Variants in SLC14A2 observed in about 807,000 individuals in gnomAD.
SLC14A2 encodes urea transporter 2.
A neutral mutation model predicts 104.6 loss-of-function variants in SLC14A2; 91 were observed. The ratio of observed to expected loss-of-function variants is 0.87; its 90% CI spans 0.73 to 1.04. The LOEUF is 1.04. SLC14A2 is among the 50% of genes least tolerant of loss of function. The pLI, the probability that SLC14A2 is intolerant of heterozygous loss-of-function variation, is 0.00. For synonymous variants in SLC14A2, 476 were observed against 466.4 expected, an observed-to-expected ratio of 1.02 and a Z score of -0.27; for missense variants, 1,189 against 1,156.0, an observed-to-expected ratio of 1.03 and a Z score of -0.41.
At position 45,291,975 on chromosome 18, in the gene SLC14A2, A is replaced by C. The variant is rs539305956; in HGVS notation, c.-125+78784A>C. ...TGTGGTGTTTTTAAATCCTTTCTAA[A>C]TGGCTAAGAAGGCAATTCTTTTCAG... On this transcript the variant is annotated intron_variant, in intron 1 of 20. Transcript: ENST00000586448. 5.3e-5 allele frequency among the ~76,000 whole-genome samples: 8 copies of C among 152,216 alleles called. No homozygotes were observed. The East Asian group carries it at 1.5e-3, about 29-fold the overall frequency.
At chr18:45,666,831 A>C in intron 12 of SLC14A2, 104 bp from the exon 13 acceptor site, 1 of 956,204 alleles carries the variant, frequency 1.0e-6, no homozygotes, top group Non-Finnish European at 1.6e-6. Flanking sequence ...TTAATGAAAT[A>C]CCAAATGACA....
At chr18:45,347,627 T>C (rs893099856) in intron 1 of SLC14A2, among the ~76,000 whole-genome samples, 1 of 152,226 alleles carries the variant, frequency 6.6e-6, no homozygotes, top group Non-Finnish European at 1.5e-5. Flanking sequence ...CATCTGGTTA[T>C]AATAACTACA....
At chr18:45,516,110 A>G (rs2043436857) in intron 2 of SLC14A2, among the ~76,000 whole-genome samples, 1 of 152,226 alleles carries the variant, frequency 6.6e-6, no homozygotes, top group Non-Finnish European at 1.5e-5. Context: ...TGCTATACCA[A>G]GCATAAGGCT....
At chr18:45,526,178 G>C (rs971885755) in intron 2 of SLC14A2, among the ~76,000 whole-genome samples, 1 of 152,146 alleles carries the variant, frequency 6.6e-6, no homozygotes, top group Non-Finnish European at 1.5e-5. Context: ...GCGTATCTTA[G>C]CTTGCACAAC....
intron 2 of SLC14A2, among the ~76,000 whole-genome samples, chr18:45,504,602 G>A (rs144237899): frequency 6.6e-6 from 1 of 152,300 alleles, no homozygotes; most frequent in African/African-American, 2.4e-5. Flanking sequence ...TATCTGGTCA[G>A]TAATAGTGAC....
chr18:45,572,711 G>A (rs374865063), intron 2 of SLC14A2, among the ~76,000 whole-genome samples: 1 of 152,126 alleles, frequency 6.6e-6, no homozygotes, highest in Non-Finnish European at 1.5e-5. Context: ...TATTGTCATC[G>A]TATATACCAC....
rs183068028 is a variant in SLC14A2, at chr18:45,322,372, T to C, written c.-125+109181T>C. 7.2e-5 allele frequency among the ~76,000 whole-genome samples: 11 copies of C among 152,280 alleles called. No individual in the cohort carries two copies. The East Asian group carries it at 2.1e-3, about 29-fold the overall frequency. ...CTTATTTTCAAATAAGGAATAATAGTGAACACTAATTGAAGGCTTAAAAAA... is the reference window on the plus strand; with the variant it reads ...CTTATTTTCAAATAAGGAATAATAGCGAACACTAATTGAAGGCTTAAAAAA... On this transcript the variant is annotated intron_variant, in intron 1 of 20. Coordinates refer to the SLC14A2 transcript ENST00000586448.
chr18:45,414,757 A>AAAAAT (rs1360051908), intron 1 of SLC14A2, among the ~76,000 whole-genome samples: 62 of 76,088 alleles, frequency 8.1e-4, no homozygotes, highest in African/African-American at 6.9e-4. Context: ...AAAAAAAAAA[A>AAAAAT]ATATATATAT....
chr18:45,236,592 A>G (rs529185180), intron 1 of SLC14A2, among the ~76,000 whole-genome samples: 1 of 146,628 alleles, frequency 6.8e-6, no homozygotes, highest in East Asian at 2.0e-4. Flanking sequence ...TATATATGGG[A>G]AAAAGTATAT....
chr18:45,523,302 A>T (rs935908822), intron 2 of SLC14A2, among the ~76,000 whole-genome samples: 1 of 151,068 alleles, frequency 6.6e-6, no homozygotes, highest in South Asian at 2.1e-4. Flanking sequence ...AGCAATCTAT[A>T]CTCCCATCAC....
At chr18:45,380,197 G>T (rs1355101248) in intron 1 of SLC14A2, among the ~76,000 whole-genome samples, 1 of 152,154 alleles carries the variant, frequency 6.6e-6, no homozygotes, top group East Asian at 1.9e-4. Context: ...GAAAGAACCA[G>T]GGGCTAAATA....
chr18:45,436,973 TCCGCTCAGGATTCTAGGTTGGG>T (rs2092128783), intron 1 of SLC14A2, among the ~76,000 whole-genome samples: 2 of 152,172 alleles, frequency 1.3e-5, no homozygotes, highest in African/African-American at 2.4e-5. Flanking sequence ...ATGTTGGTCC[TCCGCTCAGGATTCTAGGTTGGG>T]CCACACAGGA....
chr18:45,505,714 G>A (rs1239460627), intron 2 of SLC14A2, among the ~76,000 whole-genome samples: 4 of 152,180 alleles, frequency 2.6e-5, no homozygotes, highest in Non-Finnish European at 5.9e-5. Flanking sequence ...CAGCTTCTCA[G>A]GAGACGCTGA....
intron 1 of SLC14A2, among the ~76,000 whole-genome samples, chr18:45,224,624 G>T (rs1349780219): frequency 6.6e-6 from 1 of 152,008 alleles, no homozygotes; most frequent in Non-Finnish European, 1.5e-5. Context: ...ACACTTATCT[G>T]CCAGCCAGTG....
At chr18:45,465,418 T>G (rs2087122670) in intron 1 of SLC14A2, among the ~76,000 whole-genome samples, 1 of 152,174 alleles carries the variant, frequency 6.6e-6, no homozygotes, top group Non-Finnish European at 1.5e-5. Context: ...ATCCCAATTT[T>G]CTATCATCTC....
At chr18:45,535,239 A>G (rs1177028320) in intron 2 of SLC14A2, among the ~76,000 whole-genome samples, 2 of 152,220 alleles carry the variant, frequency 1.3e-5, no homozygotes, top group Non-Finnish European at 2.9e-5. Context: ...AACACTTGCT[A>G]TTAATGACAA....
intron 1 of SLC14A2, among the ~76,000 whole-genome samples, chr18:45,374,300 A>G (rs1489079311): frequency 6.6e-6 from 1 of 152,236 alleles, no homozygotes; most frequent in Non-Finnish European, 1.5e-5. Flanking sequence ...ATAATTGGCA[A>G]TCTGCATAAT....
chr18:45,418,970 A>G (rs961536594), intron 1 of SLC14A2, among the ~76,000 whole-genome samples: 1 of 152,172 alleles, frequency 6.6e-6, no homozygotes, highest in African/African-American at 2.4e-5. Flanking sequence ...CGGTTAGGAA[A>G]ATGCAATTGG....
upstream of SLC14A2, chr18:45,615,045 A>G (rs1027353585): frequency 1.3e-5 from 2 of 151,576 alleles, no homozygotes; most frequent in African/African-American, 4.9e-5. Flanking sequence ...GATCCACCCG[A>G]CTCGGCCTCT....
Sources: allele counts gnomAD v4.1 joint callset (sites outside exome capture counted in the v4.1 genomes callset), GRCh38; gene constraint gnomAD v4.1.1; transcripts MANE v1.5; gene names NCBI Gene and HGNC (gene_info 2026-07-23, HGNC 2026-07-21).